The following HDAC9 variants were observed in gnomAD, a reference collection of about 807,000 sequenced individuals.
HDAC9 encodes MEF-2 interacting transcription repressor (MITR) protein.
HDAC9 carries 41 observed loss-of-function variants against 139.4 expected under a neutral mutation model. That is an observed-to-expected ratio of 0.29 (90% CI 0.23 to 0.38). The LOEUF (loss-of-function observed/expected upper bound fraction) is 0.38. Among genes scored for constraint, HDAC9 ranks in the 10% least tolerant of loss-of-function variants. HDAC9 has a pLI of 1.00. For missense variants in HDAC9, 1,147 were observed against 1,297.0 expected (o/e 0.88, Z 1.78); for synonymous variants, 517 against 476.2 (o/e 1.09, Z -1.12).
chr7:18,755,909 C>T (rs172476), intron 14 of HDAC9, among the ~76,000 whole-genome samples: 1 of 152,136 alleles, frequency 6.6e-6, no homozygotes, highest in Non-Finnish European at 1.5e-5. Context: ...TACTCATCAA[C>T]CTTCCGTCCA....
chr7:18,321,079 C>T (rs1308677396), intron 1 of HDAC9, among the ~76,000 whole-genome samples: 1 of 152,172 alleles, frequency 6.6e-6, no homozygotes, highest in Non-Finnish European at 1.5e-5. Flanking sequence ...GTTCCTCTAT[C>T]CACACCTCAA....
Position 18,647,887 on chromosome 7 carries a change from A to G in HDAC9, c.1138A>G (p.Ser380Gly). The change falls in exon 10 of 26, where the codon AGC (serine) becomes GGC (glycine). Residue 380 changes from serine (S) to glycine (G), a missense_variant. Around this residue, in one of 7 missense-constraint regions of HDAC9, gnomAD observed 264 missense variants for 273.8 expected, o/e 0.96. Coordinates refer to ENST00000686413, the MANE Select transcript of HDAC9 (RefSeq NM_178425.4). ...TGGAGGCAGCATCCCGGCATCTTCC[A>G]GCCACCCTCATGTTACTTTAGAGGG... ...QYGGSIPASS[S>G]HPHVTLEGKP... The G allele has an allele frequency of 6.2e-7, 1 of 1,612,900 alleles. No individual in the cohort carries two copies. Among genetic ancestry groups the G allele is most frequent in the Non-Finnish European group, 8.5e-7 (1 of 1,179,482 alleles).
chr7:18,563,973 C>G (rs1342682072), intron 2 of HDAC9, among the ~76,000 whole-genome samples: 2 of 151,554 alleles, frequency 1.3e-5, no homozygotes, highest in African/African-American at 4.9e-5. Context: ...ATAGCTGGGA[C>G]TACAGGTGTG....
At chr7:18,124,905 T>C (rs1158767086) in intron 1 of HDAC9, among the ~76,000 whole-genome samples, 3 of 151,784 alleles carry the variant, frequency 2.0e-5, no homozygotes, top group Admixed American at 6.6e-5. Context: ...TTTTCTTTTT[T>C]TTTTTTTAAC....
intron 12 of HDAC9, among the ~76,000 whole-genome samples, chr7:18,722,734 T>A (rs1785233097): frequency 6.6e-6 from 1 of 152,152 alleles, no homozygotes; most frequent in African/African-American, 2.4e-5. Context: ...TAACTCTCCT[T>A]ATACATTGAA....
intron 16 of HDAC9, among the ~76,000 whole-genome samples, chr7:18,787,472 A>T (rs950118725): frequency 6.6e-6 from 1 of 152,198 alleles, no homozygotes; most frequent in African/African-American, 2.4e-5. Flanking sequence ...GCCTCTGTGG[A>T]CCTATTTCTC....
Position 18,612,810 on chromosome 7 carries a change from C to G in HDAC9, c.665-16540C>G, listed in dbSNP as rs542048081. 8.2e-4 allele frequency among the ~76,000 whole-genome samples: 124 copies of G among 152,076 alleles called. 1 individual carries two copies. The highest frequency in any genetic ancestry group is 1.6e-3 in the Non-Finnish European group (108 of 67,962). The stretch of plus-strand genomic sequence containing the variant: ...GCTGCCACATGAAGAAAGACCATGA[C>G]TGTTAAGGTCTCATCTCTCTTTTAA... On this transcript the variant is annotated intron_variant, in intron 6 of 25. Coordinates refer to ENST00000686413, the MANE Select transcript of HDAC9 (RefSeq NM_178425.4).
intron 1 of HDAC9, among the ~76,000 whole-genome samples, chr7:18,388,632 C>T (rs1786170821): frequency 1.3e-5 from 2 of 152,112 alleles, no homozygotes; most frequent in Non-Finnish European, 2.9e-5. Flanking sequence ...AAATGTAGTT[C>T]CTAACTCTGC....
chr7:18,868,164 T>C (rs1400513853), intron 21 of HDAC9, among the ~76,000 whole-genome samples: 1 of 152,170 alleles, frequency 6.6e-6, no homozygotes, highest in Non-Finnish European at 1.5e-5. Flanking sequence ...TAATCCCTGA[T>C]TTTCCACTCA....
intron 1 of HDAC9, among the ~76,000 whole-genome samples, chr7:18,317,750 T>A (rs1214759067): frequency 6.6e-6 from 1 of 152,150 alleles, no homozygotes; most frequent in Non-Finnish European, 1.5e-5. Flanking sequence ...CTTTCTACTT[T>A]GGGGAAAATC....
intron 17 of HDAC9, among the ~76,000 whole-genome samples, chr7:18,809,959 GA>G (rs754328433): frequency 1.8e-4 from 28 of 151,910 alleles, no homozygotes; most frequent in Non-Finnish European, 3.7e-4. Flanking sequence ...GCAAGATACG[GA>G]AAAAACCTAA....
chr7:18,538,143 G>C (rs1811498472), intron 2 of HDAC9, among the ~76,000 whole-genome samples: 1 of 152,140 alleles, frequency 6.6e-6, no homozygotes, highest in African/African-American at 2.4e-5. Context: ...CATTCACCCT[G>C]AATTCATTTT....
intron 1 of HDAC9, among the ~76,000 whole-genome samples, chr7:18,344,487 A>G (rs1214196267): frequency 1.3e-5 from 2 of 151,998 alleles, no homozygotes; most frequent in African/African-American, 4.8e-5. Flanking sequence ...ACTGTTTCAT[A>G]GCACTTATGT....
chr7:18,576,899 G>A (rs1198076037), intron 2 of HDAC9, among the ~76,000 whole-genome samples: 4 of 152,088 alleles, frequency 2.6e-5, no homozygotes, highest in African/African-American at 7.2e-5. Context: ...TCAACATAGA[G>A]GAAGCAAAGC....
intron 1 of HDAC9, among the ~76,000 whole-genome samples, chr7:18,468,525 G>T (rs1794476909): frequency 6.6e-6 from 1 of 151,958 alleles, no homozygotes; most frequent in Non-Finnish European, 1.5e-5. Flanking sequence ...GTGTAATACA[G>T]CCTTGAACTC....
chr7:18,930,327 G>C (rs1019869558), intron 22 of HDAC9, among the ~76,000 whole-genome samples: 1 of 152,136 alleles, frequency 6.6e-6, no homozygotes, highest in South Asian at 2.1e-4. Context: ...CTCTGAAGGT[G>C]TTATTAAGTT....
intron 17 of HDAC9, among the ~76,000 whole-genome samples, chr7:18,819,776 C>T (rs949243440): frequency 6.6e-6 from 1 of 152,128 alleles, no homozygotes; most frequent in African/African-American, 2.4e-5. Flanking sequence ...TAGTCATGTT[C>T]ATGCCTGAAG....
chr7:18,327,028 C>G (rs918315491), intron 1 of HDAC9, among the ~76,000 whole-genome samples: 1 of 151,810 alleles, frequency 6.6e-6, no homozygotes, highest in Admixed American at 6.6e-5. Context: ...TAGTTCCTGT[C>G]TGCTGATGAC....
intron 1 of HDAC9, among the ~76,000 whole-genome samples, chr7:18,352,456 G>A (rs1407205524): frequency 6.6e-6 from 1 of 152,066 alleles, no homozygotes; most frequent in Non-Finnish European, 1.5e-5. Context: ...CAGTTACTTG[G>A]TCCTCCTATC....
Sources: gnomAD v4.1 joint callset for allele counts (sites outside exome capture counted in the v4.1 genomes callset) on GRCh38, gnomAD v4.1.1 for gene constraint, gnomAD v4.1.1 regional missense constraint, MANE v1.5 for transcripts, NCBI Gene and HGNC (gene_info 2026-07-23, HGNC 2026-07-21) for gene names.